Variants in KLRF1 observed in about 807,000 individuals in gnomAD.
The protein encoded by KLRF1 is killer cell lectin like receptor F1.
Under a neutral mutation model 30.7 loss-of-function variants are expected in KLRF1, and 27 were observed. That is an observed-to-expected ratio of 0.88 (90% CI 0.65 to 1.21). KLRF1 has a LOEUF of 1.21. KLRF1 is among the 50% of genes most tolerant of loss of function. KLRF1 has a pLI of 0.00. For missense variants in KLRF1, 246 were observed against 259.3 expected (o/e 0.95, Z 0.35); for synonymous variants, 92 against 89.3 (o/e 1.03, Z -0.17).
At position 9,839,465 on chromosome 12, in the gene KLRF1, A is replaced by T. The variant is rs920478953; in HGVS notation, c.335-2347A>T. Among the ~76,000 whole-genome samples, 6 of 152,080 alleles carry T rather than the reference A, an allele frequency of 3.9e-5. No individual in the cohort carries two copies. In the South Asian group the frequency reaches 1.2e-3, roughly 32 times the overall value. On this transcript the variant is annotated intron_variant, in intron 3 of 5. Transcript: ENST00000617889. ...TGTCAAATGGAAAAGACAACACACC[A>T]AAAGAGAAAGATATCAGATAGGAGT...
At chr12:9,835,062 A>G (rs971090600) in intron 3 of KLRF1, among the ~76,000 whole-genome samples, 2 of 152,098 alleles carry the variant, frequency 1.3e-5, no homozygotes, top group African/African-American at 4.8e-5. Flanking sequence ...TAGTGGAGGC[A>G]GAAAGTCCTA....
chr12:9,838,878 C>T (rs1867643706), intron 3 of KLRF1, among the ~76,000 whole-genome samples: 1 of 152,100 alleles, frequency 6.6e-6, no homozygotes, highest in African/African-American at 2.4e-5. Context: ...ATTTAGTACA[C>T]ATTTTTCAGG....
Position 9,832,329 on chromosome 12 carries a change from G to T in KLRF1, c.99G>T (p.Thr33=), listed in dbSNP as rs376141725. 6.3e-7 allele frequency: 1 copy of T among 1,594,618 alleles called. No individual in the cohort carries two copies. The highest frequency in any genetic ancestry group is 8.6e-7 in the Non-Finnish European group (1 of 1,163,210). The part of the protein sequence containing the change: ...SQLTFKDYSV[T]LHWYKILLGI... ...TTAATGTCTCAGATTATTCAGTGAC[G>T]TTGCACTGGTATAAAATCTTACTGG... Residue 33 remains threonine (T), a synonymous_variant, in exon 2 of 6, where the codon ACG becomes ACT. Coordinates refer to ENST00000617889, the MANE Select transcript of KLRF1 (RefSeq NM_016523.3).
the KLRF1 span, among the ~76,000 whole-genome samples, chr12:9,805,711 A>G: frequency 6.6e-6 from 1 of 152,078 alleles, no homozygotes; most frequent in South Asian, 2.1e-4. Flanking sequence ...TTATATTTCT[A>G]TGTGGTTTTT....
chr12:9,836,979 A>G (rs1591758981), intron 3 of KLRF1, among the ~76,000 whole-genome samples: 1 of 152,112 alleles, frequency 6.6e-6, no homozygotes. Flanking sequence ...CTGAGGTACA[A>G]TTCAAAATTT....
chr12:9,823,906 C>T (rs1461138111), upstream of KLRF1, among the ~76,000 whole-genome samples: 2 of 152,144 alleles, frequency 1.3e-5, no homozygotes, highest in Non-Finnish European at 2.9e-5. Context: ...TTCCTGGACA[C>T]ATACAGCCTC....
the KLRF1 span, among the ~76,000 whole-genome samples, chr12:9,807,784 T>C: frequency 6.6e-6 from 1 of 152,136 alleles, no homozygotes; most frequent in Admixed American, 6.5e-5. Flanking sequence ...TTCATTTCAC[T>C]GTCATGTTTG....
chr12:9,826,741 G>A (rs1402601065), upstream of KLRF1, among the ~76,000 whole-genome samples: 1 of 152,116 alleles, frequency 6.6e-6, no homozygotes, highest in Non-Finnish European at 1.5e-5. Flanking sequence ...GAAGCTAGAG[G>A]CCGTTACCCT....
the KLRF1 span, among the ~76,000 whole-genome samples, chr12:9,815,260 AC>A: frequency 6.6e-6 from 1 of 152,228 alleles, no homozygotes; most frequent in African/African-American, 2.4e-5. Flanking sequence ...CTAATATACT[AC>A]TTTCTAGCTT....
intron 3 of KLRF1, among the ~76,000 whole-genome samples, chr12:9,839,057 A>T (rs1867647591): frequency 6.6e-6 from 1 of 152,024 alleles, no homozygotes; most frequent in Non-Finnish European, 1.5e-5. Flanking sequence ...GATGGGCCTT[A>T]CTCAGTTTGG....
chr12:9,831,519 AATT>A (rs1181662281), intron 1 of KLRF1, among the ~76,000 whole-genome samples: 1 of 152,178 alleles, frequency 6.6e-6, no homozygotes, highest in Non-Finnish European at 1.5e-5. Flanking sequence ...GATTCTTATC[AATT>A]ATTATGATAG....
chr12:9,822,312 A>G, the KLRF1 span, among the ~76,000 whole-genome samples: 1 of 152,254 alleles, frequency 6.6e-6, no homozygotes, highest in Non-Finnish European at 1.5e-5. Flanking sequence ...TAACCACTAT[A>G]GAAAAGAACC....
the KLRF1 span, among the ~76,000 whole-genome samples, chr12:9,820,763 C>G: frequency 1.3e-4 from 20 of 152,318 alleles, no homozygotes; most frequent in Non-Finnish European, 2.4e-4. Context: ...CCCACAACCC[C>G]TCCACCACTG....
At chr12:9,825,005 G>C (rs1867264316), upstream of KLRF1, among the ~76,000 whole-genome samples, 1 of 152,096 alleles carries the variant, frequency 6.6e-6, no homozygotes, top group African/African-American at 2.4e-5. Context: ...CATGCTCATG[G>C]ATCAGAATAA....
chr12:9,819,292 G>A, the KLRF1 span, among the ~76,000 whole-genome samples: 2 of 152,260 alleles, frequency 1.3e-5, no homozygotes, highest in African/African-American at 2.4e-5. Context: ...CCAAGGGGCT[G>A]AGCAGGGATT....
the KLRF1 span, among the ~76,000 whole-genome samples, chr12:9,812,376 A>C: frequency 6.6e-6 from 1 of 151,628 alleles, no homozygotes; most frequent in African/African-American, 2.4e-5. Context: ...GGAAAAAAAA[A>C]AAAAAAAAAA....
At chr12:9,815,708 C>T in the KLRF1 span, among the ~76,000 whole-genome samples, 3 of 152,292 alleles carry the variant, frequency 2.0e-5, no homozygotes, top group African/African-American at 4.8e-5. Context: ...TGCTAAAATA[C>T]GCTCCTGTAA....
At chr12:9,836,914 G>A (rs905298521) in intron 3 of KLRF1, among the ~76,000 whole-genome samples, 1 of 151,966 alleles carries the variant, frequency 6.6e-6, no homozygotes, top group Non-Finnish European at 1.5e-5. Flanking sequence ...ATTAAAGTAG[G>A]TATAAATACT....
At chr12:9,833,494 G>T (rs1867495018) in intron 3 of KLRF1, 42 bp downstream of exon 3, 1 of 1,531,852 alleles carries the variant, frequency 6.5e-7, no homozygotes, top group African/African-American at 1.4e-5. Context: ...TTAATCTTTT[G>T]GACTCTCTAA....
Sources: allele counts gnomAD v4.1 joint callset (sites outside exome capture counted in the v4.1 genomes callset), GRCh38; gene constraint gnomAD v4.1.1; transcripts MANE v1.5; gene names NCBI Gene and HGNC (gene_info 2026-07-23, HGNC 2026-07-21).